The following KCNJ16 variants were observed in gnomAD, a reference collection of about 807,000 sequenced individuals.
KCNJ16 encodes the protein inward rectifier potassium channel 16.
A neutral mutation model predicts 18.5 loss-of-function variants in KCNJ16; 15 were observed. That is an observed-to-expected ratio of 0.81 (90% CI 0.54 to 1.25). The LOEUF (loss-of-function observed/expected upper bound fraction) is 1.25. Among genes scored for constraint, KCNJ16 ranks in the 50% most tolerant of loss-of-function variants. KCNJ16 has a pLI of 0.00. For missense variants in KCNJ16, 523 were observed against 525.7 expected, an observed-to-expected ratio of 0.99 and a Z score of 0.05; for synonymous variants, 174 against 186.5, an observed-to-expected ratio of 0.93 and a Z score of 0.55.
chr17:70,131,965 A>G, intron 3 of KCNJ16, 30 bp from the exon 4 acceptor site: 1 of 1,527,624 alleles, frequency 6.5e-7, no homozygotes, highest in Non-Finnish European at 8.8e-7. Flanking sequence ...GAAAGCTAAA[A>G]AGTGTGTTTT....
chr17:70,107,963 C>A (rs1341669623), intron 2 of KCNJ16, among the ~76,000 whole-genome samples: 1 of 152,188 alleles, frequency 6.6e-6, no homozygotes, highest in African/African-American at 2.4e-5. Context: ...AGAGTTAACA[C>A]TCAGTAGATT....
chr17:70,099,201 C>G (rs1173572576), intron 1 of KCNJ16, among the ~76,000 whole-genome samples: 1 of 152,130 alleles, frequency 6.6e-6, no homozygotes, highest in Non-Finnish European at 1.5e-5. Context: ...TTGTCCCCAC[C>G]CTTTTCTCTG....
intron 2 of KCNJ16, 115 bp from the exon 3 acceptor site, chr17:70,130,764 G>A (rs781028324): frequency 4.4e-5 from 26 of 590,750 alleles, no homozygotes; most frequent in East Asian, 3.9e-4. Flanking sequence ...AAAGTCCCCC[G>A]TTATAATCCC....
Position 70,132,823 on chromosome 17 carries a change from A to T in KCNJ16, c.736A>T (p.Ile246Phe). 6.2e-7 allele frequency: 1 copy of T among 1,613,996 alleles called. No individual in the cohort carries two copies. Among genetic ancestry groups the T allele is most frequent in the Non-Finnish European group, 8.5e-7 (1 of 1,180,034 alleles). Reference sequence around the variant, plus strand: ...CCTCAAATTAGTCAACGACCAAATCATCCTGGTCACCCCGGTAACTATTGT... The same window carrying T: ...CCTCAAATTAGTCAACGACCAAATCTTCCTGGTCACCCCGGTAACTATTGT... ...KDLKLVNDQI[I>F]LVTPVTIVHE... The change falls in exon 4 of 4, where the codon ATC becomes TTC. Residue 246 changes from isoleucine to phenylalanine, a missense_variant. Coordinates refer to ENST00000392671, the MANE Select transcript of KCNJ16 (RefSeq NM_170741.4).
chr17:70,122,687 G>A (rs146201278), intron 2 of KCNJ16, among the ~76,000 whole-genome samples: 20 of 152,292 alleles, frequency 1.3e-4, no homozygotes, highest in African/African-American at 4.8e-4. Flanking sequence ...TCCTGTCTCA[G>A]AGACTGCCTC....
In KCNJ16 at chr17:70,132,828, G is replaced by A. The variant is rs1324359385; in HGVS notation, c.741G>A (p.Leu247=). ...AATTAGTCAACGACCAAATCATCCT[G>A]GTCACCCCGGTAACTATTGTCCATG... The part of the protein sequence containing the change: ...DLKLVNDQII[L]VTPVTIVHEI... Residue 247 remains leucine, a synonymous_variant, in exon 4 of 4, where the codon CTG becomes CTA. Transcript: ENST00000392671. The A allele has an allele frequency of 6.2e-7, 1 of 1,613,960 alleles. No homozygotes were observed. Among genetic ancestry groups the A allele is most frequent in the Non-Finnish European group, 8.5e-7 (1 of 1,180,026 alleles).
chr17:70,130,258 G>A (rs181320460), intron 2 of KCNJ16, among the ~76,000 whole-genome samples: 29 of 152,112 alleles, frequency 1.9e-4, no homozygotes, highest in Non-Finnish European at 3.5e-4. Flanking sequence ...AACCTCCAAA[G>A]CATGGTGGCT....
chr17:70,097,505 C>A (rs1193708219), intron 1 of KCNJ16, among the ~76,000 whole-genome samples: 1 of 152,086 alleles, frequency 6.6e-6, no homozygotes, highest in Non-Finnish European at 1.5e-5. Flanking sequence ...TCAGGAGCAC[C>A]AGGAATGCTT....
intron 1 of KCNJ16, among the ~76,000 whole-genome samples, chr17:70,088,824 A>AATAGTTT (rs2071956392): frequency 6.6e-6 from 1 of 152,110 alleles, no homozygotes; most frequent in African/African-American, 2.4e-5. Context: ...ATTATACCAC[A>AATAGTTT]ATAGTTTTGC....
intron 1 of KCNJ16, among the ~76,000 whole-genome samples, chr17:70,078,968 C>G (rs544562829): frequency 6.6e-6 from 1 of 152,158 alleles, no homozygotes. Flanking sequence ...CAGAAACTCA[C>G]TCTTAAGAGA....
chr17:70,096,895 T>G (rs1243685159), intron 1 of KCNJ16: 3 of 398,168 alleles, frequency 7.5e-6, no homozygotes, highest in Non-Finnish European at 1.3e-5. Flanking sequence ...CCAACCTACA[T>G]TTAAAATATG....
chr17:70,126,299 T>C (rs2073853841), intron 2 of KCNJ16, among the ~76,000 whole-genome samples: 1 of 152,200 alleles, frequency 6.6e-6, no homozygotes, highest in Non-Finnish European at 1.5e-5. Flanking sequence ...ACTTATTCTC[T>C]TAACTGTAAA....
At chr17:70,097,735 T>C (rs935193737) in intron 1 of KCNJ16, among the ~76,000 whole-genome samples, 10 of 152,104 alleles carry the variant, frequency 6.6e-5, no homozygotes, top group Admixed American at 5.9e-4. Flanking sequence ...ATAGACCTGA[T>C]TGCATCTGTA....
At chr17:70,077,116 C>A (rs560646558) in intron 1 of KCNJ16, among the ~76,000 whole-genome samples, 2 of 152,136 alleles carry the variant, frequency 1.3e-5, no homozygotes, top group African/African-American at 4.8e-5. Context: ...GTGTGCCTGG[C>A]GAGTTAACAA....
intron 1 of KCNJ16, among the ~76,000 whole-genome samples, chr17:70,094,207 G>C (rs2072251138): frequency 6.6e-6 from 1 of 152,120 alleles, no homozygotes; most frequent in South Asian, 2.1e-4. Context: ...TGTGACATTT[G>C]CATTTACTTA....
chr17:70,096,614 T>A, intron 1 of KCNJ16: 1 of 240,242 alleles, frequency 4.2e-6, no homozygotes, highest in East Asian at 8.0e-5. Context: ...TATTACATCA[T>A]AATAGGTGCC....
chr17:70,105,308 T>C (rs2072873131), intron 2 of KCNJ16, among the ~76,000 whole-genome samples: 1 of 152,144 alleles, frequency 6.6e-6, no homozygotes, highest in African/African-American at 2.4e-5. Flanking sequence ...TCAGTGCCAT[T>C]TGCAGATCCA....
chr17:70,105,116 C>A (rs957978930), intron 2 of KCNJ16: 2 of 152,360 alleles, frequency 1.3e-5, no homozygotes, highest in African/African-American at 2.4e-5. Context: ...CAAGCTTGAA[C>A]TAATTGCTTG....
rs2073036172 is a variant in KCNJ16, at chr17:70,108,514, C to CCCCCTT, written c.-191+7748_-191+7749insCCCCTT. 4.6e-5 allele frequency: 7 copies of CCCCCTT among 152,308 alleles called. No homozygotes were observed. In the South Asian group the frequency reaches 1.4e-3, roughly 32 times the overall value. The allele number at this position is 152,308 out of a possible 1,614,324, so 9.4% of individuals were successfully genotyped here. The stretch of plus-strand genomic sequence containing the variant: ...GCATGTTGATATCTATAAATGACCA[C>CCCCCTT]ATCAACATATCTGCTTTAAAGTGGC... On this transcript the variant is annotated intron_variant, in intron 2 of 3. Transcript: ENST00000392671.
Sources: gnomAD v4.1 joint callset for allele counts (sites outside exome capture counted in the v4.1 genomes callset) on GRCh38, gnomAD v4.1.1 for gene constraint, MANE v1.5 for transcripts, NCBI Gene and HGNC (gene_info 2026-07-23, HGNC 2026-07-21) for gene names.